Variants in LEMD3 observed in about 807,000 individuals in gnomAD.
LEMD3 encodes the protein inner nuclear membrane protein Man1.
In LEMD3, 33 loss-of-function variants were observed where a neutral mutation model predicts 95.2. That is an observed-to-expected ratio of 0.35 (90% confidence interval 0.26 to 0.46). LEMD3 has a LOEUF of 0.46. Among genes scored for constraint, LEMD3 ranks in the 20% least tolerant of loss-of-function variants. The probability of loss-of-function intolerance (pLI) is 1.00; values close to 1 mark genes in which losing one functional copy is unlikely to be tolerated. For missense variants in LEMD3, 1,210 were observed against 1,192.8 expected, an observed-to-expected ratio of 1.01 and a Z score of -0.21; for synonymous variants, 525 against 474.6, an observed-to-expected ratio of 1.11 and a Z score of -1.38.
At chr12:65,199,792 G>A (rs1051195556) in intron 1 of LEMD3, among the ~76,000 whole-genome samples, 1 of 152,022 alleles carries the variant, frequency 6.6e-6, no homozygotes, top group Admixed American at 6.6e-5. Context: ...ATACCAAAGA[G>A]CATGATTAAT....
intron 1 of LEMD3, among the ~76,000 whole-genome samples, chr12:65,179,625 G>T (rs993907272): frequency 2.0e-5 from 3 of 152,146 alleles, no homozygotes; most frequent in African/African-American, 7.2e-5. Context: ...TATTCTAGGG[G>T]TGGGGAGAAT....
At chr12:65,211,375 A>C (rs1043155776) in intron 2 of LEMD3, among the ~76,000 whole-genome samples, 1 of 152,176 alleles carries the variant, frequency 6.6e-6, no homozygotes, top group Admixed American at 6.5e-5. Context: ...GATCTTCTGC[A>C]TATTGGCATG....
chr12:65,203,330 G>A (rs1050675888), intron 1 of LEMD3, among the ~76,000 whole-genome samples: 24 of 152,016 alleles, frequency 1.6e-4, no homozygotes, highest in Non-Finnish European at 2.4e-4. Flanking sequence ...CTTTTGCCAC[G>A]TCCCACAAAT....
chr12:65,197,410 A>G (rs1450380016), intron 1 of LEMD3, among the ~76,000 whole-genome samples: 2 of 152,164 alleles, frequency 1.3e-5, no homozygotes, highest in Admixed American at 1.3e-4. Context: ...TGAGAATCTG[A>G]TATGACTACA....
chr12:65,245,594 A>C (rs2136358553), intron 10 of LEMD3, 75 bp from the exon 11 acceptor site: 1 of 934,130 alleles, frequency 1.1e-6, no homozygotes, highest in African/African-American at 1.6e-5. Context: ...TAATATATAT[A>C]TGTTGTAAGA....
Position 65,170,275 on chromosome 12 carries a change from G to A in LEMD3, c.679G>A (p.Gly227Ser). ...GGACGAGGAAGGGGAGGGAGAGGAC[G>A]GTGAGGAGAGGGACCCGGAGACCGA... The part of the protein sequence containing the change: ...VEDEEGEGED[G>S]EERDPETEEP... The change falls in exon 1 of 13, where the codon GGT (glycine) becomes AGT (serine). Residue 227 changes from glycine to serine, a missense_variant. Physicochemically the swap from Gly to Ser is moderately conservative, Grantham distance 56 (BLOSUM62 0). This residue lies in a region of LEMD3 where 749 missense variants were observed against 622.9 expected (regional missense o/e 1.20). Transcript: ENST00000308330. The A allele has an allele frequency of 3.2e-6, 5 of 1,568,820 alleles. No individual in the cohort carries two copies. Among genetic ancestry groups the A allele is most frequent in the Non-Finnish European group, 3.5e-6 (4 of 1,156,874 alleles).
At chr12:65,246,090 T>C (rs1324167111) in intron 12 of LEMD3, 72 bp from the exon 13 acceptor site, 2 of 1,333,898 alleles carry the variant, frequency 1.5e-6, no homozygotes, top group African/African-American at 2.9e-5. Context: ...CATATGTCTT[T>C]TACCACAGTT....
chr12:65,234,485 T>C (rs1870718633), intron 4 of LEMD3, among the ~76,000 whole-genome samples: 1 of 152,182 alleles, frequency 6.6e-6, no homozygotes, highest in Admixed American at 6.5e-5. Context: ...TTTCTAATAC[T>C]CTAGAATGCC....
rs939870700 is a variant in LEMD3, at chr12:65,211,011, G to C, written c.1560+48G>C. The C allele has an allele frequency of 2.2e-6, 3 of 1,347,988 alleles. No individual in the cohort carries two copies. The Admixed American group carries it at 5.0e-5, about 23-fold the overall frequency. 83.5% of individuals were successfully genotyped at this position (1,347,988 alleles called of 1,614,324 possible). On this transcript the variant is annotated intron_variant, in intron 2 of 12. Transcript: ENST00000308330. Reference sequence around the variant, plus strand: ...GATAATTTTGTGTCATGTTTTATATGATAAAAGCATGAGAATGACTATCAA... The same window carrying C: ...GATAATTTTGTGTCATGTTTTATATCATAAAAGCATGAGAATGACTATCAA...
chr12:65,171,297 A>T, intron 1 of LEMD3, 179 bp downstream of exon 1: 1 of 1,109,450 alleles, frequency 9.0e-7, no homozygotes, highest in East Asian at 2.7e-5. Context: ...AAATGATGTC[A>T]TATGGCTGGT....
chr12:65,197,957 TA>T (rs1242215668), intron 1 of LEMD3, among the ~76,000 whole-genome samples: 3 of 152,134 alleles, frequency 2.0e-5, no homozygotes, highest in Non-Finnish European at 1.5e-5. Context: ...TTGAAGATGT[TA>T]AATACATATA....
intron 1 of LEMD3, among the ~76,000 whole-genome samples, chr12:65,209,012 A>G (rs1869849647): frequency 6.6e-6 from 1 of 152,114 alleles, no homozygotes. Flanking sequence ...CTCCTCCAGC[A>G]TCCTGCAAAA....
At chr12:65,212,205 G>GAA (rs1055952195) in intron 2 of LEMD3, among the ~76,000 whole-genome samples, 2 of 151,868 alleles carry the variant, frequency 1.3e-5, no homozygotes, top group Non-Finnish European at 2.9e-5. Context: ...ATAGCATGGG[G>GAA]AAAAAAACCC....
Position 65,169,833 on chromosome 12 carries a change from G to A in LEMD3, c.237G>A (p.Ala79=), listed in dbSNP as rs1868454258. 6.8e-7 allele frequency: 1 copy of A among 1,468,526 alleles called. No individual in the cohort carries two copies. The highest frequency in any genetic ancestry group is 1.4e-5 in the African/African-American group (1 of 69,486). 91.0% of individuals were successfully genotyped at this position (1,468,526 alleles called of 1,614,324 possible). A position where few individuals can be genotyped will look rare whatever the true frequency, so the allele number is the denominator to read the frequency against. ...NNTAAATVAA[A]GPAAAAAAGM... ...CGGCAGCCGCCACGGTCGCAGCCGC[G>A]GGACCAGCGGCGGCGGCGGCCGCGG... Residue 79 remains alanine (A), a synonymous_variant, in exon 1 of 13, where the codon GCG becomes GCA. Transcript: ENST00000308330.
intron 4 of LEMD3, 58 bp from the exon 5 acceptor site, chr12:65,238,444 T>A: frequency 9.4e-7 from 1 of 1,068,396 alleles, no homozygotes; most frequent in Non-Finnish European, 1.4e-6. Context: ...TAAAGGATAC[T>A]TTACAGAGAG....
intron 1 of LEMD3, among the ~76,000 whole-genome samples, chr12:65,190,447 C>T (rs2136324011): frequency 6.6e-6 from 1 of 152,222 alleles, no homozygotes; most frequent in Non-Finnish European, 1.5e-5. Context: ...AAGCTTGCTA[C>T]TTGGAGGCTT....
rs547241063 is a variant in LEMD3, at chr12:65,205,895, A to G, written c.1523-5031A>G. On this transcript the variant is annotated intron_variant, in intron 1 of 12. Transcript: ENST00000308330. ...TTTTGATTATGTAATCTCAATATTC[A>G]TAATTTGTTAAGTATACATCAAGGG... Among the ~76,000 whole-genome samples the G allele has an allele frequency of 3.9e-5, 6 of 152,280 alleles. No homozygotes were observed. In the South Asian group the frequency reaches 1.2e-3, roughly 32 times the overall value.
intron 2 of LEMD3, among the ~76,000 whole-genome samples, chr12:65,214,816 C>T (rs1870050747): frequency 6.6e-6 from 1 of 152,018 alleles, no homozygotes; most frequent in Admixed American, 6.6e-5. Context: ...AAGCTATTAC[C>T]CCCTCCCCAC....
At chr12:65,208,711 C>T (rs1163005062) in intron 1 of LEMD3, among the ~76,000 whole-genome samples, 1 of 151,940 alleles carries the variant, frequency 6.6e-6, no homozygotes, top group African/African-American at 2.4e-5. Context: ...AACTTAACCC[C>T]AAGGATATGT....
Sources: allele counts gnomAD v4.1 joint callset (sites outside exome capture counted in the v4.1 genomes callset), GRCh38; gene constraint gnomAD v4.1.1; regional missense constraint gnomAD v4.1.1; transcripts MANE v1.5; gene names NCBI Gene and HGNC (gene_info 2026-07-23, HGNC 2026-07-21).